The following SPATA31G1 variants were observed in gnomAD, a reference collection of about 807,000 sequenced individuals.
SPATA31G1 encodes SPATA31 subfamily G member 1, also known as spermatogenesis-associated protein 31G1.
At chr9:35,043,859 T>C in the SPATA31G1 span, 5 of 1,614,032 alleles carry the variant, frequency 3.1e-6, no homozygotes, top group Admixed American at 3.3e-5. Context: ...CATCCAGATA[T>C]AAGCCCCAGT....
the SPATA31G1 span, chr9:35,042,338 C>G: frequency 2.5e-6 from 4 of 1,614,242 alleles, no homozygotes; most frequent in South Asian, 3.3e-5. Flanking sequence ...CCCTAGCCTG[C>G]AGACACTGCG....
the SPATA31G1 span, chr9:35,042,245 G>T: frequency 2.0e-5 from 33 of 1,613,296 alleles, no homozygotes; most frequent in Non-Finnish European, 2.8e-5. Context: ...CTGCCAGAAG[G>T]CTAAGGGAAA....
chr9:35,042,287 T>G, the SPATA31G1 span: 9 of 1,614,120 alleles, frequency 5.6e-6, no homozygotes, highest in Non-Finnish European at 7.6e-6. Flanking sequence ...TGCTTGGGGC[T>G]AAGGGGGATA....
the SPATA31G1 span, chr9:35,045,836 C>T: frequency 6.2e-7 from 1 of 1,611,874 alleles, no homozygotes; most frequent in South Asian, 1.1e-5. Context: ...GCCTGGATAA[C>T]CATCGACCCC....
At chr9:35,042,710 T>A in the SPATA31G1 span, 1 of 1,172,364 alleles carries the variant, frequency 8.5e-7, no homozygotes, top group Non-Finnish European at 1.2e-6. Context: ...CCATTAACAC[T>A]AGATGAGGAG....
chr9:35,044,951 C>G, the SPATA31G1 span: 1 of 1,614,178 alleles, frequency 6.2e-7, no homozygotes, highest in Non-Finnish European at 8.5e-7. Flanking sequence ...AGTTGCTCAC[C>G]CATCCTGGGA....
chr9:35,043,309 C>G, the SPATA31G1 span: 1 of 1,614,098 alleles, frequency 6.2e-7, no homozygotes, highest in South Asian at 1.1e-5. Context: ...GTTTGTTCTT[C>G]TGTCTTCTTC....
the SPATA31G1 span, chr9:35,044,083 T>C: frequency 6.2e-7 from 1 of 1,614,088 alleles, no homozygotes; most frequent in Non-Finnish European, 8.5e-7. Context: ...TCTCTAGTAA[T>C]GGGCCCCCAG....
At chr9:35,042,535 T>A in the SPATA31G1 span, 1 of 1,612,400 alleles carries the variant, frequency 6.2e-7, no homozygotes, top group Non-Finnish European at 8.5e-7. Context: ...TGACACCACA[T>A]GTGAGGTCAT....
chr9:35,045,550 C>A, the SPATA31G1 span: 2 of 1,614,094 alleles, frequency 1.2e-6, no homozygotes, highest in African/African-American at 2.7e-5. Flanking sequence ...AAGAACCACC[C>A]TGCCCAGGCC....
the SPATA31G1 span, chr9:35,042,224 C>T: frequency 1.9e-6 from 3 of 1,608,548 alleles, no homozygotes; most frequent in Non-Finnish European, 1.7e-6. Flanking sequence ...CAATGATGAC[C>T]TCAGGGTAAA....
the SPATA31G1 span, chr9:35,042,098 T>G: frequency 8.7e-7 from 1 of 1,149,184 alleles, no homozygotes; most frequent in Non-Finnish European, 1.2e-6. Context: ...CACCCACATT[T>G]CACTGTGTGA....
At chr9:35,044,338 C>A in the SPATA31G1 span, 1 of 1,613,930 alleles carries the variant, frequency 6.2e-7, no homozygotes, top group Non-Finnish European at 8.5e-7. Context: ...GCTCTTGCAC[C>A]GGAGCTGCTC....
At chr9:35,043,597 A>T in the SPATA31G1 span, 1 of 1,614,150 alleles carries the variant, frequency 6.2e-7, no homozygotes, top group Non-Finnish European at 8.5e-7. Flanking sequence ...TATGAGACTC[A>T]TTTGGAAACC....
At chr9:35,042,388 T>G in the SPATA31G1 span, 1 of 1,614,222 alleles carries the variant, frequency 6.2e-7, no homozygotes, top group Non-Finnish European at 8.5e-7. Flanking sequence ...CTGGTGACAC[T>G]ATTCTTATTC....
chr9:35,043,379 CCA>C, the SPATA31G1 span: 1 of 1,614,214 alleles, frequency 6.2e-7, no homozygotes, highest in Non-Finnish European at 8.5e-7. Flanking sequence ...ACTCCTCAGC[CCA>C]GTTTTCTACC....
the SPATA31G1 span, chr9:35,042,402 GT>G: frequency 9.3e-6 from 15 of 1,614,230 alleles, no homozygotes; most frequent in South Asian, 1.6e-4. Flanking sequence ...CTTATTCGTG[GT>G]TTGGCAGATT....
chr9:35,043,703 T>C, the SPATA31G1 span: 4 of 1,614,180 alleles, frequency 2.5e-6, no homozygotes, highest in Admixed American at 5.0e-5. Flanking sequence ...AAGTTAGCCC[T>C]GAAGGAGGAC....
chr9:35,043,742 C>G, the SPATA31G1 span: 8 of 1,614,042 alleles, frequency 5.0e-6, no homozygotes, highest in Admixed American at 8.3e-5. Flanking sequence ...TCTGGGGAAC[C>G]GTGGGATACA....
Sources: gnomAD v4.1 joint callset for allele counts on GRCh38, gnomAD v4.1.1 for gene constraint, MANE v1.5 for transcripts, NCBI Gene and HGNC (gene_info 2026-07-23, HGNC 2026-07-21) for gene names.